SGMS1: variants seen among roughly 807,000 people sequenced by gnomAD.
SGMS1 encodes the protein phosphatidylcholine:ceramide cholinephosphotransferase 1.
SGMS1 carries 13 observed loss-of-function variants against 46.2 expected under a neutral mutation model. The ratio of observed to expected loss-of-function variants is 0.28; its 90% CI spans 0.18 to 0.45. The LOEUF (loss-of-function observed/expected upper bound fraction) is 0.45. Ranked by LOEUF, SGMS1 falls within the 20% of genes least tolerant of loss-of-function variation. SGMS1 has a pLI of 1.00. For missense variants in SGMS1, 324 were observed against 519.9 expected, an observed-to-expected ratio of 0.62 and a Z score of 3.66; for synonymous variants, 203 against 187.8, an observed-to-expected ratio of 1.08 and a Z score of -0.66.
chr10:50,493,551 T>C (rs1045001711), intron 3 of SGMS1, among the ~76,000 whole-genome samples: 2 of 151,952 alleles, frequency 1.3e-5, no homozygotes, highest in African/African-American at 4.8e-5. Context: ...ATAGGAGAAA[T>C]TTTTTGCAAA....
Position 50,311,289 on chromosome 10 carries a change from T to A in SGMS1, c.868A>T (p.Thr290Ser). The part of the protein sequence containing the change: ...YLYSGHTVML[T>S]LTYLFIKEYS... ...TCTTTGATAAATAAGTAGGTAAGTG[T>A]TAGCATGACCGTGTGGCCGCTGTAC... is the stretch of plus-strand genomic sequence containing the variant. Residue 290 changes from threonine to serine, a missense_variant, in exon 9 of 11, where the codon ACA becomes TCA. Coordinates refer to ENST00000361781, the MANE Select transcript of SGMS1 (RefSeq NM_147156.4). 6.2e-7 allele frequency: 1 copy of A among 1,613,866 alleles called. No homozygotes were observed. The highest frequency in any genetic ancestry group is 8.5e-7 in the Non-Finnish European group (1 of 1,179,834).
intron 2 of SGMS1, among the ~76,000 whole-genome samples, chr10:50,532,521 C>T (rs1275437505): frequency 6.6e-6 from 1 of 152,088 alleles, no homozygotes; most frequent in Non-Finnish European, 1.5e-5. Context: ...GCCATAGGAA[C>T]TTAACTCTTG....
At chr10:50,343,302 G>A (rs1221468619) in intron 7 of SGMS1, 190 bp downstream of exon 7, 12 of 560,166 alleles carry the variant, frequency 2.1e-5, no homozygotes, top group Non-Finnish European at 3.3e-5. Flanking sequence ...CATAAAACAG[G>A]CAACAAACAA....
chr10:50,468,509 T>C (rs1180906485), intron 3 of SGMS1, among the ~76,000 whole-genome samples: 1 of 152,206 alleles, frequency 6.6e-6, no homozygotes, highest in Non-Finnish European at 1.5e-5. Context: ...AGAAACTAAA[T>C]TTCATAAGGG....
intron 6 of SGMS1, among the ~76,000 whole-genome samples, chr10:50,401,798 A>C (rs947392928): frequency 3.9e-5 from 6 of 152,338 alleles, no homozygotes; most frequent in Admixed American, 1.3e-4. Flanking sequence ...AGGCTAAAAA[A>C]ATCCAAGAAA....
chr10:50,443,741 G>T (rs905244418), intron 5 of SGMS1, among the ~76,000 whole-genome samples: 3 of 151,886 alleles, frequency 2.0e-5, no homozygotes, highest in Admixed American at 6.6e-5. Flanking sequence ...TAACATAAAA[G>T]ACTTTTTTTC....
chr10:50,310,139 T>C (rs1037266355), intron 9 of SGMS1, among the ~76,000 whole-genome samples: 3 of 152,146 alleles, frequency 2.0e-5, no homozygotes, highest in Non-Finnish European at 4.4e-5. Context: ...TGTGATCTGG[T>C]TCCCACTTAC....
intron 7 of SGMS1, among the ~76,000 whole-genome samples, chr10:50,339,232 C>G (rs1847770298): frequency 6.6e-6 from 1 of 152,218 alleles, no homozygotes. Context: ...ACAAGGCTAA[C>G]ACCTCACTGA....
chr10:50,568,171 T>G (rs1838306564), intron 2 of SGMS1, among the ~76,000 whole-genome samples: 1 of 152,228 alleles, frequency 6.6e-6, no homozygotes, highest in African/African-American at 2.4e-5. Flanking sequence ...GCAATATTTT[T>G]AAACAGGTGC....
chr10:50,602,622 T>C (rs185207903), intron 1 of SGMS1, among the ~76,000 whole-genome samples: 4 of 152,292 alleles, frequency 2.6e-5, no homozygotes, highest in African/African-American at 9.6e-5. Context: ...TCCCTGAACT[T>C]ACACTGAAAA....
At chr10:50,429,494 C>T (rs768539531) in intron 6 of SGMS1, among the ~76,000 whole-genome samples, 1 of 152,018 alleles carries the variant, frequency 6.6e-6, no homozygotes, top group African/African-American at 2.4e-5. Context: ...TAGAACATAG[C>T]CTCATAATTA....
At chr10:50,609,153 G>T (rs1226650813) in intron 1 of SGMS1, among the ~76,000 whole-genome samples, 2 of 151,930 alleles carry the variant, frequency 1.3e-5, no homozygotes, top group African/African-American at 4.8e-5. Context: ...TCTAATTTTT[G>T]TAGAGACAGA....
chr10:50,503,515 T>C (rs1837679458), intron 3 of SGMS1, among the ~76,000 whole-genome samples: 1 of 152,160 alleles, frequency 6.6e-6, no homozygotes, highest in South Asian at 2.1e-4. Context: ...CACTCCTGCC[T>C]GCCAGAGAAC....
chr10:50,522,010 G>C (rs1269137752), intron 2 of SGMS1, among the ~76,000 whole-genome samples: 1 of 152,126 alleles, frequency 6.6e-6, no homozygotes, highest in Admixed American at 6.6e-5. Flanking sequence ...ATCCATTAGT[G>C]ATGTCTGCCT....
intron 3 of SGMS1, among the ~76,000 whole-genome samples, chr10:50,513,425 G>A (rs751990243): frequency 8.6e-5 from 13 of 152,028 alleles, no homozygotes; most frequent in Non-Finnish European, 1.0e-4. Context: ...AGTCTTTGAG[G>A]CTTCAAAACT....
intron 6 of SGMS1, among the ~76,000 whole-genome samples, chr10:50,380,947 C>T (rs1427218540): frequency 1.3e-5 from 2 of 151,650 alleles, no homozygotes; most frequent in Non-Finnish European, 2.9e-5. Context: ...CCTCCCATCT[C>T]AGCCTCCTGA....
intron 6 of SGMS1, among the ~76,000 whole-genome samples, chr10:50,423,736 A>C (rs1194790565): frequency 6.6e-6 from 1 of 152,252 alleles, no homozygotes; most frequent in Non-Finnish European, 1.5e-5. Context: ...TTCTCTGGCC[A>C]GTCCTTAAAA....
intron 3 of SGMS1, among the ~76,000 whole-genome samples, chr10:50,469,849 G>A (rs1837363352): frequency 6.6e-6 from 1 of 152,200 alleles, no homozygotes; most frequent in Admixed American, 6.5e-5. Context: ...CCAAGGTTGT[G>A]GAAAGAAAAG....
At chr10:50,373,502 T>A (rs750127675) in intron 6 of SGMS1, among the ~76,000 whole-genome samples, 4 of 152,254 alleles carry the variant, frequency 2.6e-5, no homozygotes, top group Non-Finnish European at 4.4e-5. Flanking sequence ...GACAGTGGCA[T>A]GGCTCATTAA....
Sources: gnomAD v4.1 joint callset for allele counts (sites outside exome capture counted in the v4.1 genomes callset) on GRCh38, gnomAD v4.1.1 for gene constraint, MANE v1.5 for transcripts, NCBI Gene and HGNC (gene_info 2026-07-23, HGNC 2026-07-21) for gene names.